OCA2: variants seen among roughly 807,000 people sequenced by gnomAD.
OCA2 encodes the protein P protein.
A neutral mutation model predicts 100.2 loss-of-function variants in OCA2; 77 were observed. The observed-to-expected ratio is 0.77, with a 90% CI of 0.64 to 0.93. OCA2 has a LOEUF of 0.93. OCA2 is among the 40% of genes least tolerant of loss of function. The probability of loss-of-function intolerance (pLI) is 0.00; values close to 1 mark genes in which losing one functional copy is unlikely to be tolerated. For missense variants in OCA2, 1,062 were observed against 1,089.1 expected, an observed-to-expected ratio of 0.98 and a Z score of 0.35; for synonymous variants, 432 against 439.2, an observed-to-expected ratio of 0.98 and a Z score of 0.21.
At chr15:27,824,961 C>T (rs1198074285) in intron 23 of OCA2, among the ~76,000 whole-genome samples, 3 of 152,120 alleles carry the variant, frequency 2.0e-5, no homozygotes, top group Admixed American at 2.0e-4. Flanking sequence ...CAAGATAATG[C>T]TTTTTCTCCA....
At chr15:27,839,561 G>A (rs915936210) in intron 23 of OCA2, among the ~76,000 whole-genome samples, 2 of 152,200 alleles carry the variant, frequency 1.3e-5, no homozygotes, top group Non-Finnish European at 2.9e-5. Flanking sequence ...CATTAAGCAT[G>A]ACAGAGGGGA....
intron 19 of OCA2, among the ~76,000 whole-genome samples, chr15:27,899,695 T>C (rs1236142425): frequency 2.0e-5 from 3 of 152,222 alleles, no homozygotes; most frequent in African/African-American, 7.2e-5. Context: ...CAGAAGCAGC[T>C]GACTTGATAG....
At chr15:28,018,642 CAG>C in intron 6 of OCA2, 85 bp from the exon 7 acceptor site, 1 of 1,303,190 alleles carries the variant, frequency 7.7e-7, no homozygotes, top group Non-Finnish European at 1.1e-6. Flanking sequence ...CCTCCTCTGA[CAG>C]TGTGTGAAGA....
chr15:27,990,587 C>T lies in OCA2; in HGVS notation c.1105G>A (p.Val369Met). 4 of 1,614,048 alleles carry T rather than the reference C, an allele frequency of 2.5e-6. No individual in the cohort carries two copies. The highest frequency in any genetic ancestry group is 3.4e-6 in the Non-Finnish European group (4 of 1,179,996). ...CTGTGACAACTTACATCGCCAATCA[C>T]AGCCAGTGCTGCCAGTGCTGCAAGG... is the stretch of plus-strand genomic sequence containing the variant. ...GSLAALAALA[V>M]IGDRPSLTHV... Residue 369 changes from valine to methionine, a missense_variant, in exon 10 of 24, where the codon GTG (valine) becomes ATG (methionine). Val to Met is a conservative substitution (Grantham distance 21). Coordinates refer to ENST00000354638, the MANE Select transcript of OCA2 (RefSeq NM_000275.3).
chr15:27,721,083 TAATACTTTAA>T, the OCA2 span, among the ~76,000 whole-genome samples: 1 of 152,254 alleles, frequency 6.6e-6, no homozygotes, highest in Non-Finnish European at 1.5e-5. Context: ...TGACTGGCTT[TAATACTTTAA>T]ATACTTGTGT....
At chr15:28,011,795 G>A (rs2042247378) in intron 9 of OCA2, among the ~76,000 whole-genome samples, 1 of 151,994 alleles carries the variant, frequency 6.6e-6, no homozygotes, top group Non-Finnish European at 1.5e-5. Flanking sequence ...GCACGCACCT[G>A]TAGTTTTAGC....
intron 21 of OCA2, among the ~76,000 whole-genome samples, chr15:27,866,131 C>T (rs2036313874): frequency 6.6e-6 from 1 of 152,166 alleles, no homozygotes; most frequent in Non-Finnish European, 1.5e-5. Context: ...CAGAGGCTGC[C>T]AGAGGGAAGG....
intron 23 of OCA2, among the ~76,000 whole-genome samples, chr15:27,842,957 G>T (rs2035395957): frequency 6.6e-6 from 1 of 152,208 alleles, no homozygotes; most frequent in East Asian, 1.9e-4. Flanking sequence ...AGGTGGAGTG[G>T]ACGCAAACCC....
intron 23 of OCA2, among the ~76,000 whole-genome samples, chr15:27,760,691 C>A (rs1359934396): frequency 6.6e-6 from 1 of 151,934 alleles, no homozygotes; most frequent in Admixed American, 6.5e-5. Context: ...TACTGTTGTA[C>A]TATTAACAAT....
chr15:27,864,319 C>T (rs1035543876), intron 21 of OCA2, among the ~76,000 whole-genome samples: 4 of 152,186 alleles, frequency 2.6e-5, no homozygotes, highest in African/African-American at 9.7e-5. Flanking sequence ...GTGCCAACTG[C>T]TCATGTTATT....
At chr15:27,869,659 C>T (rs2036463854) in intron 21 of OCA2, among the ~76,000 whole-genome samples, 1 of 152,190 alleles carries the variant, frequency 6.6e-6, no homozygotes. Context: ...AGGTGGGGTT[C>T]AGCTGTGAGC....
At chr15:27,950,494 A>AGGAT in intron 18 of OCA2, 1 of 512,392 alleles carries the variant, frequency 2.0e-6, no homozygotes, top group Non-Finnish European at 3.9e-6. Flanking sequence ...TTACCTCATC[A>AGGAT]GGATTCCAAG....
At chr15:28,056,835 G>A (rs2043714765) in intron 2 of OCA2, among the ~76,000 whole-genome samples, 1 of 152,254 alleles carries the variant, frequency 6.6e-6, no homozygotes, top group Admixed American at 6.5e-5. Flanking sequence ...CCCTTAGTGA[G>A]TACCACGATG....
chr15:27,827,088 G>A (rs769107853), intron 23 of OCA2, among the ~76,000 whole-genome samples: 15 of 152,170 alleles, frequency 9.9e-5, no homozygotes, highest in Non-Finnish European at 1.8e-4. Context: ...TCTCACAAAC[G>A]TTCGCCTTAG....
chr15:27,970,300 A>T (rs559460256), intron 14 of OCA2, among the ~76,000 whole-genome samples: 221 of 152,278 alleles, frequency 1.5e-3, no homozygotes, highest in African/African-American at 5.1e-3. Context: ...AAACCAAAAA[A>T]AAAACCCCAT....
chr15:27,839,348 T>A lies in OCA2; in HGVS notation c.2432+5611A>T, dbSNP rs182258333. 4.6e-5 allele frequency among the ~76,000 whole-genome samples: 7 copies of A among 152,270 alleles called. No homozygotes were observed. In the East Asian group the frequency reaches 1.4e-3, roughly 29 times the overall value. Reference sequence around the variant, plus strand: ...TAAAATATACATAAAACCTATAATATGGAAAATGTGTGAGTCATATCAATA... The same window carrying A: ...TAAAATATACATAAAACCTATAATAAGGAAAATGTGTGAGTCATATCAATA... On this transcript the variant is annotated intron_variant, in intron 23 of 23. Transcript: ENST00000354638.
At chr15:27,902,212 T>G (rs146201006) in intron 19 of OCA2, among the ~76,000 whole-genome samples, 5,105 of 151,178 alleles carry the variant, frequency 0.034, 281 homozygotes, top group African/African-American at 0.12. Flanking sequence ...AAGTTGTTGT[T>G]GTTGTTGTTT....
At chr15:27,836,056 G>C (rs2035138997) in intron 23 of OCA2, among the ~76,000 whole-genome samples, 1 of 152,078 alleles carries the variant, frequency 6.6e-6, no homozygotes, top group African/African-American at 2.4e-5. Context: ...AGGACTCTCT[G>C]GCCTTCAGGA....
chr15:28,070,246 C>A (rs1481669466), intron 2 of OCA2, among the ~76,000 whole-genome samples: 1 of 139,988 alleles, frequency 7.1e-6, no homozygotes, highest in African/African-American at 3.0e-5. Flanking sequence ...CTCCGCCCGG[C>A]AGCCACCCCA....
Sources: gnomAD v4.1 joint callset for allele counts (sites outside exome capture counted in the v4.1 genomes callset) on GRCh38, gnomAD v4.1.1 for gene constraint, MANE v1.5 for transcripts, NCBI Gene and HGNC (gene_info 2026-07-23, HGNC 2026-07-21) for gene names.